The following ASRGL1 variants were observed in gnomAD, a reference collection of about 807,000 sequenced individuals.
ASRGL1 encodes the protein isoaspartyl peptidase/L-asparaginase.
ASRGL1 carries 16 observed loss-of-function variants against 22.4 expected under a neutral mutation model. The ratio of observed to expected loss-of-function variants is 0.71; its 90% CI spans 0.48 to 1.08. The LOEUF is 1.08. ASRGL1 is among the 50% of genes least tolerant of loss of function. The pLI is 0.00. For synonymous variants in ASRGL1, 165 were observed against 159.3 expected (o/e 1.04, Z -0.27); for missense variants, 412 against 410.1 (o/e 1.00, Z -0.04).
chr11:62,346,878 G>A (rs778920939), intron 2 of ASRGL1, among the ~76,000 whole-genome samples: 8 of 151,664 alleles, frequency 5.3e-5, no homozygotes, highest in African/African-American at 1.2e-4. Context: ...CCTGAGGCAC[G>A]AGAATCACTT....
At chr11:62,383,430 C>T (rs540263075) in intron 4 of ASRGL1, among the ~76,000 whole-genome samples, 1 of 150,254 alleles carries the variant, frequency 6.7e-6, no homozygotes, top group African/African-American at 2.5e-5. Flanking sequence ...GGTGAAACCC[C>T]GTCTCTACTA....
intron 2 of ASRGL1, among the ~76,000 whole-genome samples, chr11:62,348,933 T>C (rs35737806): frequency 0.28 from 42,922 of 151,688 alleles, 6,153 homozygotes; most frequent in South Asian, 0.36. Flanking sequence ...AGGTTCCTCT[T>C]CTCCCCCAGC....
At chr11:62,399,470 G>A in the ASRGL1 span, among the ~76,000 whole-genome samples, 12 of 152,178 alleles carry the variant, frequency 7.9e-5, no homozygotes, top group East Asian at 5.8e-4. Context: ...AGCCTCCTTC[G>A]TGCCAGCTCT....
chr11:62,358,813 T>C (rs1946366460), intron 4 of ASRGL1, among the ~76,000 whole-genome samples: 1 of 152,180 alleles, frequency 6.6e-6, no homozygotes, highest in African/African-American at 2.4e-5. Flanking sequence ...AGTTTGTGGG[T>C]AGTGCCACTG....
chr11:62,372,583 C>T, intron 4 of ASRGL1: 2 of 887,854 alleles, frequency 2.3e-6, no homozygotes, highest in Admixed American at 1.7e-5. Context: ...CAGATTCTGC[C>T]TGTACCAAAT....
chr11:62,374,014 G>T (rs1294038679), intron 4 of ASRGL1, among the ~76,000 whole-genome samples: 2 of 152,192 alleles, frequency 1.3e-5, no homozygotes, highest in African/African-American at 4.8e-5. Flanking sequence ...TCAGCCAGCA[G>T]TCAAATGCAT....
At chr11:62,387,742 A>G (rs755523254) in intron 4 of ASRGL1, among the ~76,000 whole-genome samples, 1 of 152,144 alleles carries the variant, frequency 6.6e-6, no homozygotes, top group Admixed American at 6.6e-5. Flanking sequence ...GTCACCTGAC[A>G]TATTATTGCC....
chr11:62,367,195 G>A (rs1418150434), intron 4 of ASRGL1, among the ~76,000 whole-genome samples: 3 of 151,956 alleles, frequency 2.0e-5, no homozygotes, highest in East Asian at 1.9e-4. Flanking sequence ...AAAATTAGCC[G>A]GGCATGGTGG....
intron 4 of ASRGL1, among the ~76,000 whole-genome samples, chr11:62,374,414 T>A (rs1946860117): frequency 6.6e-6 from 1 of 152,078 alleles, no homozygotes; most frequent in South Asian, 2.1e-4. Flanking sequence ...TTCCAGAGGG[T>A]CTGGACTGGT....
intron 4 of ASRGL1, among the ~76,000 whole-genome samples, chr11:62,362,569 A>ATATATAT (rs1946476906): frequency 1.3e-4 from 4 of 31,552 alleles, no homozygotes; most frequent in Non-Finnish European, 2.7e-4. Flanking sequence ...TATTTATATA[A>ATATATAT]TATATATTAT....
At chr11:62,398,251 CCCTGCGCCACCACCAGGAAAGGA>C (rs371244567), downstream of ASRGL1, among the ~76,000 whole-genome samples, 670 of 152,116 alleles carry the variant, frequency 4.4e-3, 5 homozygotes, top group African/African-American at 0.015. Context: ...AGCAAGTCCA[CCCTGCGCCACCACCAGGAAAGGA>C]CCTGCCCCCA....
intron 4 of ASRGL1, among the ~76,000 whole-genome samples, chr11:62,375,808 T>C (rs1946910987): frequency 6.6e-6 from 1 of 151,826 alleles, no homozygotes; most frequent in African/African-American, 2.4e-5. Context: ...CCACCATTGA[T>C]ACAATCATCA....
chr11:62,376,177 CTTT>C (rs779056201), intron 4 of ASRGL1, among the ~76,000 whole-genome samples: 2 of 123,166 alleles, frequency 1.6e-5, no homozygotes, highest in Non-Finnish European at 1.7e-5. Flanking sequence ...GTTCTCAAGG[CTTT>C]TTTTTTTTTT....
At chr11:62,369,504 C>T (rs889765450) in intron 4 of ASRGL1, among the ~76,000 whole-genome samples, 1 of 152,090 alleles carries the variant, frequency 6.6e-6, no homozygotes, top group Non-Finnish European at 1.5e-5. Context: ...TCGTTCTTGA[C>T]GGTCGCTGTC....
rs1491181672 is a variant in ASRGL1 at position 62,343,751 on chromosome 11, AGT to A, written c.190+5585_190+5586del. Among the ~76,000 whole-genome samples, 5 of 150,864 alleles carry A rather than the reference AGT, an allele frequency of 3.3e-5. No homozygotes were observed. The East Asian group carries it at 9.8e-4, about 30-fold the overall frequency. ...TCCACAAAAAAAAAAAAAAAAAAAA[AGT>A]TCCACTTAATCCACATCTTCACCAG... On this transcript the variant is annotated intron_variant, in intron 2 of 6. Coordinates refer to ENST00000415229, the MANE Select transcript of ASRGL1 (RefSeq NM_001083926.2).
In ASRGL1 at chr11:62,357,075, CAG is replaced by C. The variant is rs1160818050; in HGVS notation, c.428_429del (p.Arg143LysfsTer11). On this transcript the variant is annotated frameshift_variant, in exon 4 of 7. Transcript: ENST00000415229. LOFTEE classifies it high-confidence loss of function. ...GAGATTCCTGGAGAAAAACTGGTGA[CAG>C]AGAGAAACAAAAAGCGCCTGGAAAA... The C allele has an allele frequency of 1.9e-6, 3 of 1,613,964 alleles. No homozygotes were observed. The highest frequency in any genetic ancestry group is 1.7e-6 in the Non-Finnish European group (2 of 1,180,004).
Position 62,359,508 on chromosome 11 carries a change from A to T in ASRGL1, c.491+2364A>T, listed in dbSNP as rs958710069. 3.3e-5 allele frequency among the ~76,000 whole-genome samples: 5 copies of T among 152,350 alleles called. No homozygotes were observed. The East Asian group carries it at 9.6e-4, about 29-fold the overall frequency. Reference sequence around the variant, plus strand: ...AACCAAATATATCCAAAATATTTCAACATGTAATGCATATAAGAAATTATA... The same window carrying T: ...AACCAAATATATCCAAAATATTTCATCATGTAATGCATATAAGAAATTATA... On this transcript the variant is annotated intron_variant, in intron 4 of 6. Coordinates refer to ENST00000415229, the MANE Select transcript of ASRGL1 (RefSeq NM_001083926.2).
intron 4 of ASRGL1, chr11:62,381,935 G>T (rs1947078433): frequency 6.5e-6 from 1 of 152,788 alleles, no homozygotes; most frequent in South Asian, 1.9e-4. Context: ...CCAGATGAAG[G>T]GGTGGCCAGC....
intron 2 of ASRGL1, among the ~76,000 whole-genome samples, chr11:62,349,003 CTG>C (rs1000681779): frequency 4.6e-5 from 7 of 151,786 alleles, no homozygotes; most frequent in African/African-American, 1.7e-4. Context: ...GAGTCTCACT[CTG>C]TCGCCCAGGC....
Sources: allele counts gnomAD v4.1 joint callset (sites outside exome capture counted in the v4.1 genomes callset), GRCh38; gene constraint gnomAD v4.1.1; transcripts MANE v1.5; gene names NCBI Gene and HGNC (gene_info 2026-07-23, HGNC 2026-07-21).